The following CCNYL1 variants were observed in gnomAD, a reference collection of about 807,000 sequenced individuals.
CCNYL1 encodes cyclin-Y-like protein 1.
Under a neutral mutation model 44.2 loss-of-function variants are expected in CCNYL1, and 16 were observed. The ratio of observed to expected loss-of-function variants is 0.36; its 90% confidence interval spans 0.25 to 0.55. The LOEUF (loss-of-function observed/expected upper bound fraction) is 0.55. CCNYL1 is among the 20% of genes least tolerant of loss of function. The pLI is 0.85. For missense variants in CCNYL1, 348 were observed against 451.8 expected, an observed-to-expected ratio of 0.77 and a Z score of 2.08; for synonymous variants, 159 against 163.2, an observed-to-expected ratio of 0.97 and a Z score of 0.20.
At chr2:207,741,372 A>G (rs1377560242) in intron 6 of CCNYL1, among the ~76,000 whole-genome samples, 1 of 152,228 alleles carries the variant, frequency 6.6e-6, no homozygotes, top group Non-Finnish European at 1.5e-5. Flanking sequence ...GTGGAAAGGA[A>G]CATAAAAATT....
At chr2:207,739,373 C>A (rs532901854) in intron 5 of CCNYL1, among the ~76,000 whole-genome samples, 1 of 152,250 alleles carries the variant, frequency 6.6e-6, no homozygotes, top group East Asian at 1.9e-4. Context: ...GCCGGGACTG[C>A]GGGCGCCTGT....
intron 4 of CCNYL1, among the ~76,000 whole-genome samples, chr2:207,736,816 A>C (rs2091768280): frequency 6.6e-6 from 1 of 152,208 alleles, no homozygotes; most frequent in African/African-American, 2.4e-5. Context: ...AACTTGTATA[A>C]AATGAAAGGT....
intron 5 of CCNYL1, among the ~76,000 whole-genome samples, chr2:207,738,208 A>C (rs2091779938): frequency 6.8e-6 from 1 of 147,046 alleles, no homozygotes; most frequent in African/African-American, 2.5e-5. Context: ...GGTATTCTTT[A>C]TTTTTTAGTT....
At chr2:207,717,131 C>G (rs1575207894) in intron 1 of CCNYL1, among the ~76,000 whole-genome samples, 1 of 148,406 alleles carries the variant, frequency 6.7e-6, no homozygotes, top group Non-Finnish European at 1.5e-5. Flanking sequence ...AAAAAAAGTT[C>G]TTATGTCAAA....
At chr2:207,752,012 G>A (rs2091896145) in intron 9 of CCNYL1, among the ~76,000 whole-genome samples, 1 of 151,948 alleles carries the variant, frequency 6.6e-6, no homozygotes, top group Admixed American at 6.6e-5. Context: ...TCTAGCCTAG[G>A]TGACGGAGTG....
chr2:207,743,267 T>A (rs1234403641), intron 7 of CCNYL1, among the ~76,000 whole-genome samples: 1 of 152,210 alleles, frequency 6.6e-6, no homozygotes, highest in Non-Finnish European at 1.5e-5. Context: ...AGACAGGTGA[T>A]ACAGGAGAGG....
intron 9 of CCNYL1, 102 bp from the exon 10 acceptor site, chr2:207,753,486 A>G (rs1405010941): frequency 3.9e-6 from 3 of 759,518 alleles, no homozygotes; most frequent in South Asian, 3.2e-5. Flanking sequence ...ACTGTGAACT[A>G]TCTAAAGGAG....
intron 4 of CCNYL1, among the ~76,000 whole-genome samples, chr2:207,735,579 C>G (rs1385517036): frequency 3.9e-5 from 6 of 152,070 alleles, no homozygotes; most frequent in African/African-American, 1.4e-4. Flanking sequence ...TAAAAACAAC[C>G]CTCAGGCTGG....
chr2:207,753,258 TA>T (rs1303682887), intron 9 of CCNYL1, among the ~76,000 whole-genome samples: 1 of 152,188 alleles, frequency 6.6e-6, no homozygotes, highest in Non-Finnish European at 1.5e-5. Context: ...TTGTTATATT[TA>T]AGGAATAAGT....
At chr2:207,752,254 T>TTTAC (rs1361340212) in intron 9 of CCNYL1, among the ~76,000 whole-genome samples, 2 of 152,238 alleles carry the variant, frequency 1.3e-5, no homozygotes, top group African/African-American at 4.8e-5. Flanking sequence ...AAATGCTGGA[T>TTTAC]GTAAGTGGTA....
chr2:207,738,805 C>T (rs958475574), intron 5 of CCNYL1, among the ~76,000 whole-genome samples: 1 of 151,908 alleles, frequency 6.6e-6, no homozygotes, highest in Non-Finnish European at 1.5e-5. Flanking sequence ...CTGCAACCTC[C>T]GCCTCCCGGG....
chr2:207,753,687 A>G lies in CCNYL1; in HGVS notation c.1069A>G (p.Ile357Val), dbSNP rs1317035740. The G allele has an allele frequency of 1.2e-6, 2 of 1,607,316 alleles. No homozygotes were observed. Among genetic ancestry groups the G allele is most frequent in the African/African-American group, 1.3e-5 (1 of 74,892 alleles). ...NFIGIQRSKAILS is the reference protein window; with the variant it reads ...NFIGIQRSKAVLS ...CATTGGTATTCAGCGCTCTAAAGCC[A>G]TCCTCTCTTAAAAGGAGAAATGAGG... The change falls in exon 10 of 10, where the codon ATC (isoleucine) becomes GTC (valine). Residue 357 changes from isoleucine to valine, a missense_variant. Transcript: ENST00000295414.
chr2:207,752,017 G>C (rs566757834), intron 9 of CCNYL1, among the ~76,000 whole-genome samples: 1 of 151,848 alleles, frequency 6.6e-6, no homozygotes, highest in Admixed American at 6.6e-5. Flanking sequence ...CCTAGGTGAC[G>C]GAGTGAGATT....
chr2:207,712,630 C>T (rs2091559960), intron 1 of CCNYL1, among the ~76,000 whole-genome samples: 1 of 152,046 alleles, frequency 6.6e-6, no homozygotes, highest in African/African-American at 2.4e-5. Context: ...TTGAGGATTT[C>T]TTATCTAGAC....
Position 207,740,638 on chromosome 2 carries a change from A to G in CCNYL1, c.468-17A>G, listed in dbSNP as rs1240990935. Reference sequence around the variant, plus strand: ...ATTCCTGAATTAACTTCTTCAATGCATATTCTTATTTTATAGAGATGCAAA... The same window carrying G: ...ATTCCTGAATTAACTTCTTCAATGCGTATTCTTATTTTATAGAGATGCAAA... On this transcript the variant is annotated splice_polypyrimidine_tract_variant and intron_variant, in intron 5 of 9. Transcript: ENST00000295414. 1 of 1,535,746 alleles carries G rather than the reference A, an allele frequency of 6.5e-7. No individual in the cohort carries two copies. The highest frequency in any genetic ancestry group is 1.1e-5 in the South Asian group (1 of 88,646).
At chr2:207,724,126 T>C (rs1020314909) in intron 1 of CCNYL1, among the ~76,000 whole-genome samples, 1 of 152,110 alleles carries the variant, frequency 6.6e-6, no homozygotes, top group Non-Finnish European at 1.5e-5. Context: ...AAACGTACTC[T>C]TGATGAAACA....
intron 1 of CCNYL1, among the ~76,000 whole-genome samples, chr2:207,712,444 AT>A (rs2091557784): frequency 6.6e-6 from 1 of 152,020 alleles, no homozygotes; most frequent in South Asian, 2.1e-4. Context: ...TTTGGGGTAT[AT>A]TGTTTTCCTT....
At chr2:207,725,693 A>C (rs2091674729) in intron 2 of CCNYL1, among the ~76,000 whole-genome samples, 1 of 152,224 alleles carries the variant, frequency 6.6e-6, no homozygotes. Flanking sequence ...TGTAAATATA[A>C]ACATGCCCCA....
chr2:207,737,101 G>A (rs1218516418), intron 4 of CCNYL1, among the ~76,000 whole-genome samples: 1 of 152,126 alleles, frequency 6.6e-6, no homozygotes, highest in Non-Finnish European at 1.5e-5. Context: ...ATTTTTAGTA[G>A]AGACGGGGTT....
Sources: allele counts gnomAD v4.1 joint callset (sites outside exome capture counted in the v4.1 genomes callset), GRCh38; gene constraint gnomAD v4.1.1; transcripts MANE v1.5; gene names NCBI Gene and HGNC (gene_info 2026-07-23, HGNC 2026-07-21).